Variants in RUVBL1 observed in about 807,000 individuals in gnomAD.
RUVBL1 encodes the protein RuvB like AAA ATPase 1, also known as ruvB-like 1.
A neutral mutation model predicts 52.4 loss-of-function variants in RUVBL1; 4 were observed. The ratio of observed to expected loss-of-function variants is 0.08; its 90% CI spans 0.04 to 0.17. The LOEUF (loss-of-function observed/expected upper bound fraction) is 0.17. Among genes scored for constraint, RUVBL1 ranks in the 10% least tolerant of loss-of-function variants. The pLI is 1.00. For synonymous variants in RUVBL1, 217 were observed against 214.4 expected (o/e 1.01, Z -0.10); for missense variants, 298 against 572.8 (o/e 0.52, Z 4.90).
At chr3:128,068,775 G>A (rs1942062716) in intron 9 of RUVBL1, 1 of 152,704 alleles carries the variant, frequency 6.5e-6, no homozygotes, top group African/African-American at 2.4e-5. Flanking sequence ...AGTCTGCACA[G>A]TCCTCAGTAC....
chr3:128,094,341 G>A (rs571960043), intron 8 of RUVBL1, among the ~76,000 whole-genome samples: 6 of 152,328 alleles, frequency 3.9e-5, no homozygotes, highest in African/African-American at 1.4e-4. Context: ...AGGGAGGGGT[G>A]AGCGGCAAGA....
chr3:128,075,733 C>G (rs1942296904), intron 9 of RUVBL1: 1 of 152,188 alleles, frequency 6.6e-6, no homozygotes, highest in African/African-American at 2.4e-5. Flanking sequence ...ACGCCACGGG[C>G]GCGACTCTGT....
At chr3:128,153,329 C>T in exon 1 of RUVBL1, 2 of 1,372,558 alleles carry the variant, frequency 1.5e-6, no homozygotes, top group Non-Finnish European at 1.9e-6. Flanking sequence ...CCTAGACCAC[C>T]CACTCGGAGC....
In RUVBL1 at chr3:128,067,955, C is replaced by G; in HGVS notation, c.940-2735G>C. On this transcript the variant is annotated intron_variant, in intron 9 of 9. Coordinates refer to the RUVBL1 transcript ENST00000464873. The surrounding 1 kb of genome is among the most constrained non-coding windows in gnomAD (Gnocchi z 4.1). Reference sequence around the variant, plus strand: ...CTATTTCCCCTTCAGCCTCCAATTCCAACTTCTCCCCTGTGGGCACCCTGC... The same window carrying G: ...CTATTTCCCCTTCAGCCTCCAATTCGAACTTCTCCCCTGTGGGCACCCTGC... 1 of 1,604,364 alleles carries G rather than the reference C, an allele frequency of 6.2e-7. No individual in the cohort carries two copies. Among genetic ancestry groups the G allele is most frequent in the Admixed American group, 1.7e-5 (1 of 59,892 alleles).
At chr3:128,120,618 A>T (rs1344348206) in intron 1 of RUVBL1, among the ~76,000 whole-genome samples, 2 of 152,200 alleles carry the variant, frequency 1.3e-5, no homozygotes, top group African/African-American at 4.8e-5. Context: ...ACTATCTAAA[A>T]GGTGCTCTTC....
At chr3:128,106,118 G>A (rs995838562) in intron 3 of RUVBL1, among the ~76,000 whole-genome samples, 2 of 152,054 alleles carry the variant, frequency 1.3e-5, no homozygotes, top group Non-Finnish European at 2.9e-5. Flanking sequence ...GACCTCAGGT[G>A]ATCCACCCAC....
At chr3:128,131,712 T>G (rs1943878950) in intron 1 of RUVBL1, among the ~76,000 whole-genome samples, 1 of 151,972 alleles carries the variant, frequency 6.6e-6, no homozygotes. Flanking sequence ...ATTAATAGAG[T>G]GAAGGGGAAA....
intron 9 of RUVBL1, chr3:128,070,686 A>G (rs1265433128): frequency 6.6e-6 from 1 of 152,354 alleles, no homozygotes; most frequent in Non-Finnish European, 1.5e-5. Context: ...GTCAGCAGAG[A>G]GAGGACAGCA....
intron 1 of RUVBL1, among the ~76,000 whole-genome samples, chr3:128,122,422 T>C (rs972549842): frequency 6.6e-6 from 1 of 152,198 alleles, no homozygotes; most frequent in African/African-American, 2.4e-5. Context: ...AAAACTGTCA[T>C]ACTAAAGCGG....
chr3:128,137,059 A>G (rs1448674301), intron 1 of RUVBL1, among the ~76,000 whole-genome samples: 2 of 152,200 alleles, frequency 1.3e-5, no homozygotes, highest in Admixed American at 1.3e-4. Context: ...ATCATTCTTA[A>G]GGATAGACCA....
At chr3:128,065,220 C>G (rs1177754911) in exon 10 of RUVBL1, 1 of 725,086 alleles carries the variant, frequency 1.4e-6, no homozygotes, top group South Asian at 1.5e-5. Flanking sequence ...AGTCATGGGA[C>G]CTGCCATTAA....
chr3:128,137,472 C>A (rs1282456191), intron 1 of RUVBL1, among the ~76,000 whole-genome samples: 1 of 152,108 alleles, frequency 6.6e-6, no homozygotes, highest in Non-Finnish European at 1.5e-5. Context: ...CATATACAAC[C>A]TGCCAAGATT....
chr3:128,080,436 C>G (rs1450800283), downstream of RUVBL1, among the ~76,000 whole-genome samples: 1 of 152,198 alleles, frequency 6.6e-6, no homozygotes, highest in Non-Finnish European at 1.5e-5. Flanking sequence ...AGTAACTTTA[C>G]AGTGAGAAGA....
Position 128,081,060 on chromosome 3 carries a change from G to T in RUVBL1, c.*190C>A. ...ATAGAAAACACACCAGGTAAGGAAG[G>T]GTTCTTTCAAAGCAACCACAGGAAC... is the stretch of plus-strand genomic sequence containing the variant. On this transcript the variant is annotated 3_prime_UTR_variant, in exon 11 of 11. Transcript: ENST00000322623. This position sits in a 1 kb window ranked among gnomAD's most constrained non-coding sequence, Gnocchi z 4.8. The T allele has an allele frequency of 1.9e-6, 1 of 539,420 alleles. No individual in the cohort carries two copies. The highest frequency in any genetic ancestry group is 3.2e-6 in the Non-Finnish European group (1 of 308,448). 33.4% of individuals were successfully genotyped at this position (539,420 alleles called of 1,614,324 possible).
At chr3:128,105,955 C>T (rs1013291658) in intron 3 of RUVBL1, among the ~76,000 whole-genome samples, 10 of 150,608 alleles carry the variant, frequency 6.6e-5, no homozygotes, top group African/African-American at 2.0e-4. Context: ...CAGCAAGCTC[C>T]GCCTCCCAGG....
At chr3:128,148,104 G>T (rs1249838896) in intron 1 of RUVBL1, among the ~76,000 whole-genome samples, 1 of 151,414 alleles carries the variant, frequency 6.6e-6, no homozygotes, top group Non-Finnish European at 1.5e-5. Flanking sequence ...GGTGTAGGAG[G>T]GGTTGATCAT....
chr3:128,108,870 C>A (rs1220428016), intron 3 of RUVBL1, among the ~76,000 whole-genome samples: 1 of 152,038 alleles, frequency 6.6e-6, no homozygotes, highest in Non-Finnish European at 1.5e-5. Context: ...ATTCCAAATA[C>A]AACGTAAAAA....
At chr3:128,115,794 A>G (rs1042989178) in intron 2 of RUVBL1, among the ~76,000 whole-genome samples, 5 of 152,230 alleles carry the variant, frequency 3.3e-5, no homozygotes, top group African/African-American at 1.2e-4. Flanking sequence ...AGATACAGGA[A>G]AGCTCAGCAA....
In RUVBL1 at chr3:128,081,136, G is replaced by T; in HGVS notation, c.*114C>A. On this transcript the variant is annotated 3_prime_UTR_variant, in exon 11 of 11. Transcript: ENST00000322623. This position sits in a 1 kb window ranked among gnomAD's most constrained non-coding sequence, Gnocchi z 4.8. Reference sequence around the variant, plus strand: ...CTTTCCACACTGAACTGACAGCGCTGCAGACCACGCCTGAGTGGGGACGGC... The same window carrying T: ...CTTTCCACACTGAACTGACAGCGCTTCAGACCACGCCTGAGTGGGGACGGC... The T allele has an allele frequency of 1.9e-6, 2 of 1,042,108 alleles. No individual in the cohort carries two copies. The highest frequency in any genetic ancestry group is 2.8e-6 in the Non-Finnish European group (2 of 708,362). 64.6% of individuals were successfully genotyped at this position (1,042,108 alleles called of 1,614,324 possible).
Sources: gnomAD v4.1 joint callset for allele counts (sites outside exome capture counted in the v4.1 genomes callset) on GRCh38, gnomAD v4.1.1 for gene constraint, Gnocchi (gnomAD v3.1) non-coding constraint, MANE v1.5 for transcripts, NCBI Gene and HGNC (gene_info 2026-07-23, HGNC 2026-07-21) for gene names.